FRMD4B: variants seen among roughly 807,000 people sequenced by gnomAD.
FRMD4B encodes FERM domain-containing protein 4B.
FRMD4B carries 74 observed loss-of-function variants against 141.5 expected under a neutral mutation model. The ratio of observed to expected loss-of-function variants is 0.52; its 90% CI spans 0.43 to 0.63. The LOEUF is 0.63. Ranked by LOEUF, FRMD4B falls within the 30% of genes least tolerant of loss-of-function variation. The pLI is 0.00. For missense variants in FRMD4B, 1,366 were observed against 1,253.4 expected (o/e 1.09, Z -1.36); for synonymous variants, 506 against 467.9 (o/e 1.08, Z -1.05).
At chr3:69,294,540 T>C (rs756672929) in intron 4 of FRMD4B, among the ~76,000 whole-genome samples, 3 of 152,212 alleles carry the variant, frequency 2.0e-5, no homozygotes, top group African/African-American at 4.8e-5. Flanking sequence ...AGGAATGCTC[T>C]TCCTCATTTC....
At chr3:69,215,518 CCTGACCTT>C (rs2093132263) in intron 11 of FRMD4B, among the ~76,000 whole-genome samples, 1 of 150,978 alleles carries the variant, frequency 6.6e-6, no homozygotes, top group Non-Finnish European at 1.5e-5. Flanking sequence ...GTCTCAAATT[CCTGACCTT>C]CTGATCCACC....
chr3:69,319,082 A>G (rs1701904747), intron 1 of FRMD4B, among the ~76,000 whole-genome samples: 1 of 152,156 alleles, frequency 6.6e-6, no homozygotes. Context: ...AACACTCATT[A>G]ATGTATAGAA....
chr3:69,493,840 T>C (rs953270513), intron 1 of FRMD4B, among the ~76,000 whole-genome samples: 3 of 152,198 alleles, frequency 2.0e-5, no homozygotes, highest in Non-Finnish European at 4.4e-5. Flanking sequence ...AGGAGTATGA[T>C]ACGTTTTGTC....
intron 19 of FRMD4B, among the ~76,000 whole-genome samples, chr3:69,186,166 TA>T (rs1284739216): frequency 6.6e-6 from 1 of 152,100 alleles, no homozygotes; most frequent in South Asian, 2.1e-4. Flanking sequence ...ATAGTGAATA[TA>T]TTTTTTATAT....
chr3:69,243,537 A>G (rs1172111275), intron 7 of FRMD4B, among the ~76,000 whole-genome samples: 1 of 152,200 alleles, frequency 6.6e-6, no homozygotes, highest in Non-Finnish European at 1.5e-5. Context: ...AGAAATTAAG[A>G]GATTTTTAGA....
chr3:69,226,386 A>C (rs2093254238), intron 7 of FRMD4B, among the ~76,000 whole-genome samples: 1 of 151,706 alleles, frequency 6.6e-6, no homozygotes, highest in Non-Finnish European at 1.5e-5. Flanking sequence ...TATTTTTCTT[A>C]ATAATCTCTC....
Position 69,303,661 on chromosome 3 carries a change from C to T in FRMD4B, c.324-1226G>A, listed in dbSNP as rs182094194. Reference sequence around the variant, plus strand: ...CACACAGGCTGGGTGTGGTGGCTCACATCTAGCACTTGTAATCCTAGCACT... The same window carrying T: ...CACACAGGCTGGGTGTGGTGGCTCATATCTAGCACTTGTAATCCTAGCACT... On this transcript the variant is annotated intron_variant, in intron 3 of 22. Transcript: ENST00000398540. Among the ~76,000 whole-genome samples, 28 of 152,246 alleles carry T rather than the reference C, an allele frequency of 1.8e-4. 1 individual carries two copies. Among genetic ancestry groups the T allele is most frequent in the Admixed American group, 1.6e-3 (24 of 15,288 alleles).
chr3:69,362,124 A>G (rs1460728281), intron 1 of FRMD4B, among the ~76,000 whole-genome samples: 1 of 152,216 alleles, frequency 6.6e-6, no homozygotes, highest in African/African-American at 2.4e-5. Context: ...ATTGTAGATT[A>G]ATAATAACAA....
At chr3:69,260,105 A>G (rs921352514) in intron 5 of FRMD4B, among the ~76,000 whole-genome samples, 2 of 151,918 alleles carry the variant, frequency 1.3e-5, no homozygotes, top group Admixed American at 6.6e-5. Context: ...GAGAGGTGAC[A>G]ACGTGCTAGC....
intron 2 of FRMD4B, among the ~76,000 whole-genome samples, chr3:69,430,997 A>G (rs1030983499): frequency 2.0e-5 from 3 of 152,198 alleles, no homozygotes; most frequent in African/African-American, 4.8e-5. Context: ...TAAGACTTAA[A>G]GGAAAAAGAT....
At chr3:69,274,531 T>G (rs1474976989) in intron 5 of FRMD4B, among the ~76,000 whole-genome samples, 3 of 152,124 alleles carry the variant, frequency 2.0e-5, no homozygotes, top group African/African-American at 7.2e-5. Flanking sequence ...TTATTTTTAT[T>G]TTTTTGAGAT....
chr3:69,225,214 T>C (rs1024945580), intron 7 of FRMD4B, among the ~76,000 whole-genome samples: 8 of 152,152 alleles, frequency 5.3e-5, no homozygotes, highest in Non-Finnish European at 1.2e-4. Context: ...TAGAAATCTC[T>C]TGAATAGAAG....
intron 12 of FRMD4B, 183 bp downstream of exon 12, chr3:69,198,515 A>T (rs2092931391): frequency 1.7e-6 from 1 of 585,432 alleles, no homozygotes; most frequent in African/African-American, 1.9e-5. Flanking sequence ...CACTTTGAAA[A>T]GCAGCCTTGC....
intron 1 of FRMD4B, among the ~76,000 whole-genome samples, chr3:69,342,103 C>T (rs1457696840): frequency 6.6e-6 from 1 of 152,156 alleles, no homozygotes; most frequent in Non-Finnish European, 1.5e-5. Flanking sequence ...CTTCCCCCCA[C>T]AAATATAGGC....
chr3:69,540,666 C>T (rs1478527222), intron 1 of FRMD4B, among the ~76,000 whole-genome samples: 3,392 of 104,662 alleles, frequency 0.032, 106 homozygotes, highest in Non-Finnish European at 0.045. Context: ...TATATACACA[C>T]ACACACACAC....
chr3:69,415,520 C>T (rs1704842545), intron 2 of FRMD4B, among the ~76,000 whole-genome samples: 1 of 152,152 alleles, frequency 6.6e-6, no homozygotes, highest in Admixed American at 6.5e-5. Context: ...ACTGCACACC[C>T]TGTTGCCTCC....
chr3:69,267,973 A>G (rs1447783883), intron 5 of FRMD4B, among the ~76,000 whole-genome samples: 1 of 151,834 alleles, frequency 6.6e-6, no homozygotes, highest in East Asian at 1.9e-4. Flanking sequence ...ACCTTTTAAA[A>G]AACTAAACCT....
intron 1 of FRMD4B, among the ~76,000 whole-genome samples, chr3:69,443,950 T>C (rs1287997557): frequency 1.3e-5 from 2 of 152,196 alleles, no homozygotes; most frequent in Non-Finnish European, 2.9e-5. Context: ...TACATCACTA[T>C]TGTAGAACCC....
At chr3:69,389,593 A>G (rs1704338253), upstream of FRMD4B, among the ~76,000 whole-genome samples, 1 of 152,248 alleles carries the variant, frequency 6.6e-6, no homozygotes, top group South Asian at 2.1e-4. Flanking sequence ...TTCTACTGAC[A>G]TAAACACTGA....
Sources: allele counts gnomAD v4.1 joint callset (sites outside exome capture counted in the v4.1 genomes callset), GRCh38; gene constraint gnomAD v4.1.1; transcripts MANE v1.5; gene names NCBI Gene and HGNC (gene_info 2026-07-23, HGNC 2026-07-21).